Variants in XRCC4 observed in about 807,000 individuals in gnomAD.
XRCC4 encodes the protein DNA repair protein XRCC4.
A neutral mutation model predicts 39.1 loss-of-function variants in XRCC4; 28 were observed. That is an observed-to-expected ratio of 0.72 (90% CI 0.53 to 0.98). The LOEUF is 0.98. Among genes scored for constraint, XRCC4 ranks in the 50% least tolerant of loss-of-function variants. The pLI is 0.00. For synonymous variants in XRCC4, 123 were observed against 126.4 expected (o/e 0.97, Z 0.18); for missense variants, 350 against 376.4 (o/e 0.93, Z 0.58).
chr5:83,131,977 G>C (rs970509019), intron 3 of XRCC4, among the ~76,000 whole-genome samples: 1 of 152,086 alleles, frequency 6.6e-6, no homozygotes, highest in African/African-American at 2.4e-5. Flanking sequence ...TCTTAGCATC[G>C]ATGGTCTTTA....
chr5:83,244,970 G>A (rs1378245315), intron 6 of XRCC4, among the ~76,000 whole-genome samples: 3 of 152,226 alleles, frequency 2.0e-5, no homozygotes, highest in South Asian at 4.1e-4. Context: ...TAATACTGCT[G>A]TTTTGAAGTA....
intron 3 of XRCC4, among the ~76,000 whole-genome samples, chr5:83,154,453 T>G (rs948368111): frequency 1.3e-5 from 2 of 152,172 alleles, no homozygotes; most frequent in African/African-American, 4.8e-5. Flanking sequence ...ATGCAAATAT[T>G]CCCAAATCTG....
chr5:83,182,764 G>A (rs1750259800), intron 3 of XRCC4, among the ~76,000 whole-genome samples: 1 of 152,148 alleles, frequency 6.6e-6, no homozygotes, highest in Admixed American at 6.5e-5. Flanking sequence ...AAAGAGGCCT[G>A]AGCGAGGCTA....
At chr5:83,136,007 G>A (rs2112500545) in intron 3 of XRCC4, among the ~76,000 whole-genome samples, 1 of 151,994 alleles carries the variant, frequency 6.6e-6, no homozygotes, top group Non-Finnish European at 1.5e-5. Context: ...ATACACTTTT[G>A]CTTTGTTCTG....
intron 6 of XRCC4, among the ~76,000 whole-genome samples, chr5:83,232,659 C>G (rs1253591180): frequency 1.3e-5 from 2 of 152,078 alleles, no homozygotes; most frequent in Non-Finnish European, 2.9e-5. Context: ...CCTCCTATCT[C>G]TCTTCCAAAA....
rs1469627940 is a variant in XRCC4 at position 83,216,295 on chromosome 5, A to G, written c.745+11374A>G. On this transcript the variant is annotated intron_variant, in intron 6 of 7. Transcript: ENST00000396027. ...CTACACACCTACCTGAATGGATATA[A>G]TCTAAAAGTTAGAAAATAATGTGTA... Among the ~76,000 whole-genome samples the G allele has an allele frequency of 2.6e-5, 4 of 152,224 alleles. No individual in the cohort carries two copies. The East Asian group carries it at 7.7e-4, about 29-fold the overall frequency.
chr5:83,079,288 A>G (rs1744825253), intron 1 of XRCC4, among the ~76,000 whole-genome samples: 1 of 152,248 alleles, frequency 6.6e-6, no homozygotes, highest in South Asian at 2.1e-4. Context: ...ACAAATATGT[A>G]TAATGTTTAT....
At chr5:83,369,194 A>G in the XRCC4 span, among the ~76,000 whole-genome samples, 1 of 152,178 alleles carries the variant, frequency 6.6e-6, no homozygotes, top group Non-Finnish European at 1.5e-5. Flanking sequence ...TTCACTGCAA[A>G]TGGGATACAC....
intron 3 of XRCC4, among the ~76,000 whole-genome samples, chr5:83,111,974 A>G (rs1045995273): frequency 1.3e-5 from 2 of 152,162 alleles, no homozygotes; most frequent in East Asian, 1.9e-4. Context: ...TTAGTGCTCA[A>G]CTGAGTTTAG....
intron 1 of XRCC4, among the ~76,000 whole-genome samples, chr5:83,093,078 T>G (rs1423139488): frequency 6.6e-6 from 1 of 151,502 alleles, no homozygotes; most frequent in Non-Finnish European, 1.5e-5. Flanking sequence ...AGGAACTCAC[T>G]GCACTTTTGA....
chr5:83,132,448 T>A (rs1402385072), intron 3 of XRCC4, among the ~76,000 whole-genome samples: 1 of 152,142 alleles, frequency 6.6e-6, no homozygotes, highest in African/African-American at 2.4e-5. Context: ...GTTGGGGAAG[T>A]TTTCCTGGAT....
rs1280728352 is a variant in XRCC4, at chr5:83,258,853, A to G, written c.893+176A>G. On this transcript the variant is annotated intron_variant, in intron 7 of 7. Coordinates refer to ENST00000396027, the MANE Select transcript of XRCC4 (RefSeq NM_003401.5). Reference sequence around the variant, plus strand: ...TTGTTTCAGTATTTGGTTAATTTCTATTAATATTTAAAGCTGAAATGCTGA... The same window carrying G: ...TTGTTTCAGTATTTGGTTAATTTCTGTTAATATTTAAAGCTGAAATGCTGA... The G allele has an allele frequency of 1.4e-5, 12 of 852,630 alleles. No individual in the cohort carries two copies. The Admixed American group carries it at 2.2e-4, about 16-fold the overall frequency. 52.8% of individuals were successfully genotyped at this position (852,630 alleles called of 1,614,324 possible).
intron 7 of XRCC4, among the ~76,000 whole-genome samples, chr5:83,284,461 C>A (rs1011107078): frequency 6.6e-6 from 1 of 151,946 alleles, no homozygotes. Flanking sequence ...GTTGTTTGTA[C>A]CAAAATAATT....
chr5:83,114,160 C>A lies in XRCC4; in HGVS notation c.315+2957C>A, dbSNP rs1188076228. On this transcript the variant is annotated intron_variant, in intron 3 of 7. Transcript: ENST00000396027. ...CTGCAATGGGGGCCTGGACCTGGCC[C>A]AGGAAACTGTTTTTACCGCCTAGGC... Among the ~76,000 whole-genome samples the A allele has an allele frequency of 3.5e-5, 4 of 112,878 alleles. 1 individual carries two copies. The highest frequency in any genetic ancestry group is 5.9e-4 in the South Asian group (2 of 3,416). 74.1% of individuals were successfully genotyped at this position (112,878 alleles called of 152,430 possible).
intron 3 of XRCC4, among the ~76,000 whole-genome samples, chr5:83,116,939 A>T (rs1336900355): frequency 6.6e-6 from 1 of 152,100 alleles, no homozygotes; most frequent in Non-Finnish European, 1.5e-5. Flanking sequence ...CCAATTTCTA[A>T]TGTAGTGAAA....
At chr5:83,355,314 C>T (rs57020403), downstream of XRCC4, among the ~76,000 whole-genome samples, 20,457 of 152,062 alleles carry the variant, frequency 0.13, 2,070 homozygotes, top group East Asian at 0.49. Context: ...GCATATCACT[C>T]TCTCGAATTA....
chr5:83,289,049 C>G (rs897183096), intron 7 of XRCC4, among the ~76,000 whole-genome samples: 3 of 151,614 alleles, frequency 2.0e-5, no homozygotes, highest in African/African-American at 7.3e-5. Context: ...TGTATTTATT[C>G]TACTGATGAG....
At chr5:83,277,408 G>T (rs1754372469) in intron 7 of XRCC4, among the ~76,000 whole-genome samples, 1 of 152,222 alleles carries the variant, frequency 6.6e-6, no homozygotes, top group South Asian at 2.1e-4. Context: ...TGTCATCCTG[G>T]ATCCTGGAAT....
intron 1 of XRCC4, among the ~76,000 whole-genome samples, chr5:83,085,927 A>G (rs1745160858): frequency 2.0e-5 from 3 of 152,204 alleles, no homozygotes; most frequent in Admixed American, 6.6e-5. Flanking sequence ...TTTGATGCAA[A>G]GTAGACATTT....
Sources: gnomAD v4.1 joint callset for allele counts (sites outside exome capture counted in the v4.1 genomes callset) on GRCh38, gnomAD v4.1.1 for gene constraint, MANE v1.5 for transcripts, NCBI Gene and HGNC (gene_info 2026-07-23, HGNC 2026-07-21) for gene names.